USHBP1: variants seen among roughly 807,000 people sequenced by gnomAD.
The protein encoded by USHBP1 is USH1 protein network component harmonin binding protein 1.
A neutral mutation model predicts 76.2 loss-of-function variants in USHBP1; 67 were observed. That is an observed-to-expected ratio of 0.88 (90% CI 0.72 to 1.08). The LOEUF is 1.08. USHBP1 is among the 50% of genes least tolerant of loss of function. The pLI, the probability that USHBP1 is intolerant of heterozygous loss-of-function variation, is 0.00. For synonymous variants in USHBP1, 322 were observed against 362.2 expected, an observed-to-expected ratio of 0.89 and a Z score of 1.26; for missense variants, 931 against 915.0, an observed-to-expected ratio of 1.02 and a Z score of -0.23.
At position 17,254,359 on chromosome 19, in the gene USHBP1, AAAT is replaced by A. The variant is rs368069395; in HGVS notation, c.1692+1023_1692+1025del. 7.7e-4 allele frequency among the ~76,000 whole-genome samples: 116 copies of A among 151,212 alleles called. No homozygotes were observed. In the East Asian group the frequency reaches 0.021, roughly 27 times the overall value. On this transcript the variant is annotated intron_variant, in intron 10 of 12. Coordinates refer to ENST00000252597, the MANE Select transcript of USHBP1 (RefSeq NM_031941.4). ...GACACTCTGCCTCAAAAAAAATAAA[AAAT>A]AATAATAAATAAGCCGGGTGCAGTG...
At chr19:17,261,337 C>CTT (rs34111538) in intron 4 of USHBP1, among the ~76,000 whole-genome samples, 26,501 of 123,666 alleles carry the variant, frequency 0.21, 3,385 homozygotes, top group African/African-American at 0.35. Flanking sequence ...TTCTTTCTTT[C>CTT]TTTTTTTTTT....
Position 17,264,677 on chromosome 19 carries a change from G to A in USHBP1, c.-55C>T, listed in dbSNP as rs2073731542. 3.9e-6 allele frequency: 1 copy of A among 256,348 alleles called. No individual in the cohort carries two copies. The highest frequency in any genetic ancestry group is 5.2e-5 in the South Asian group (1 of 19,238). 15.9% of individuals were successfully genotyped at this position (256,348 alleles called of 1,614,324 possible). On this transcript the variant is annotated 5_prime_UTR_variant, in exon 1 of 13. Coordinates refer to ENST00000252597, the MANE Select transcript of USHBP1 (RefSeq NM_031941.4). The stretch of plus-strand genomic sequence containing the variant: ...GAGGTTCAGCTCTCTCTACCTCTCT[G>A]ATCCTCTGGGGGTAACTTGATCAGA...
chr19:17,255,352 A>C, intron 10 of USHBP1, 33 bp downstream of exon 10: 1 of 1,592,114 alleles, frequency 6.3e-7, no homozygotes, highest in South Asian at 1.1e-5. Flanking sequence ...TTAGTAAGCT[A>C]CTCCCCTACC....
At chr19:17,252,114 C>A in intron 10 of USHBP1, 97 bp from the exon 11 acceptor site, 1 of 1,149,964 alleles carries the variant, frequency 8.7e-7, no homozygotes, top group Non-Finnish European at 1.3e-6. Context: ...GTGGCAGCTG[C>A]TGTGCTCTCA....
In USHBP1 at chr19:17,256,723, A is replaced by G. The variant is rs778658793; in HGVS notation, c.1221-3T>C. Reference sequence around the variant, plus strand: ...TATCCACACTGCTGCCTTCAGGGCTATAGAAAACAGAAAAGGTGCCTATGT... The same window carrying G: ...TATCCACACTGCTGCCTTCAGGGCTGTAGAAAACAGAAAAGGTGCCTATGT... On this transcript the variant is annotated splice_region_variant and splice_polypyrimidine_tract_variant and intron_variant, in intron 8 of 12. Transcript: ENST00000252597. The G allele has an allele frequency of 2.4e-5, 38 of 1,613,982 alleles. No homozygotes were observed. The highest frequency in any genetic ancestry group is 2.8e-5 in the Non-Finnish European group (33 of 1,180,024).
chr19:17,251,564 G>A lies in USHBP1; in HGVS notation c.1922+18C>T. ...GGGATGGTGCCAGGGGGATTGGGGGGATGCAGAACAGTCCTACCTGTGGGC... is the reference window on the plus strand; with the variant it reads ...GGGATGGTGCCAGGGGGATTGGGGGAATGCAGAACAGTCCTACCTGTGGGC... On this transcript the variant is annotated intron_variant, in intron 12 of 12. Transcript: ENST00000252597. The A allele has an allele frequency of 6.2e-7, 1 of 1,613,154 alleles. No individual in the cohort carries two copies. The highest frequency in any genetic ancestry group is 8.5e-7 in the Non-Finnish European group (1 of 1,179,616).
intron 11 of USHBP1, 54 bp downstream of exon 11, chr19:17,251,857 T>G: frequency 1.3e-6 from 2 of 1,515,128 alleles, no homozygotes; most frequent in Non-Finnish European, 1.8e-6. Flanking sequence ...CCCCGGGGGC[T>G]CTCACATAGG....
Position 17,262,786 on chromosome 19 carries a change from C to T in USHBP1, c.408G>A (p.Trp136Ter). ...LSSLEAAAAA[W>*]RHQPPSHSGP... is the part of the protein sequence containing the mutation. ...CAGAATGGCTGGGGGGCTGGTGGCG[C>T]CAGGCTGCAGCCGCTGCCTCCAGGG... Residue 136 changes from tryptophan (W) to a stop codon, truncating the protein, a stop_gained, in exon 4 of 13, where the codon TGG becomes TGA. Coordinates refer to ENST00000252597, the MANE Select transcript of USHBP1 (RefSeq NM_031941.4). LOFTEE classifies it high-confidence loss of function. The T allele has an allele frequency of 6.2e-7, 1 of 1,614,134 alleles. No homozygotes were observed. The highest frequency in any genetic ancestry group is 1.1e-5 in the South Asian group (1 of 91,084).
At chr19:17,259,483 G>A (rs2073661723) in intron 6 of USHBP1, 54 bp from the exon 7 acceptor site, 1 of 1,610,116 alleles carries the variant, frequency 6.2e-7, no homozygotes, top group Non-Finnish European at 8.5e-7. Flanking sequence ...AGGCAGTCAG[G>A]CCTCAATTTC....
rs914684823 is a variant in USHBP1, at chr19:17,258,227, T to G, written c.1205A>C (p.Gln402Pro). ...AGGGGGGTACCTTGGCTGTGGATTC[T>G]GCTGTGCTCCTGCATCCATGGCAGC... ...EEAAMDAGAQ[Q>P]NPQPSPEGSS... is the part of the protein sequence containing the mutation. The change falls in exon 8 of 13, where the codon CAG (glutamine) becomes CCG (proline). Residue 402 changes from glutamine to proline, a missense_variant. Gln to Pro is a moderately conservative substitution (Grantham distance 76). Transcript: ENST00000252597. The G allele has an allele frequency of 1.2e-6, 2 of 1,613,812 alleles. No individual in the cohort carries two copies. Among genetic ancestry groups the G allele is most frequent in the African/African-American group, 2.7e-5 (2 of 74,944 alleles).
chr19:17,257,252 C>T (rs1338510484), intron 8 of USHBP1, among the ~76,000 whole-genome samples: 1 of 146,208 alleles, frequency 6.8e-6, no homozygotes, highest in African/African-American at 2.5e-5. Flanking sequence ...AGGATGGTCT[C>T]GATCTCCTGA....
rs1262650400 is a variant in USHBP1 at position 17,258,270 on chromosome 19, G to A, written c.1162C>T (p.Leu388=). The change falls in exon 8 of 13, where the codon CTG becomes TTG. Residue 388 remains leucine, a synonymous_variant. Transcript: ENST00000252597. ...ATGGCAGCCTCCTCTTGTGCCAGCA[G>A]CCTCCATGCTTCCTTTTCAGCTGCT... is the stretch of plus-strand genomic sequence containing the variant. ...LQAAEKEAWR[L]LAQEEAAMDA... is the part of the protein sequence containing the mutation. 1.2e-6 allele frequency: 2 copies of A among 1,614,016 alleles called. No individual in the cohort carries two copies. Among genetic ancestry groups the A allele is most frequent in the East Asian group, 2.2e-5 (1 of 44,896 alleles).
In USHBP1 at chr19:17,256,652, T is replaced by C. The variant is rs1272945064; in HGVS notation, c.1289A>G (p.Gln430Arg). 3 of 1,614,194 alleles carry C rather than the reference T, an allele frequency of 1.9e-6. No homozygotes were observed. Among genetic ancestry groups the C allele is most frequent in the Non-Finnish European group, 2.5e-6 (3 of 1,180,030 alleles). ...TAGAGAACGGCGCTCCTGGAGACGCTGGACATAGCTTCGGAGCTGGAAAGC... is the reference window on the plus strand; with the variant it reads ...TAGAGAACGGCGCTCCTGGAGACGCCGGACATAGCTTCGGAGCTGGAAAGC... ...EVAFQLRSYV[Q>R]RLQERRSLMK... Residue 430 changes from glutamine (Q) to arginine (R), a missense_variant, in exon 9 of 13, where the codon CAG (glutamine) becomes CGG (arginine). Gln to Arg is a conservative substitution (Grantham distance 43, BLOSUM62 1). Coordinates refer to ENST00000252597, the MANE Select transcript of USHBP1 (RefSeq NM_031941.4).
At chr19:17,264,641 C>A in intron 1 of USHBP1, 30 bp downstream of exon 1, 1 of 351,914 alleles carries the variant, frequency 2.8e-6, no homozygotes, top group Non-Finnish European at 5.2e-6. Flanking sequence ...CTCCCCGGCC[C>A]TCCTAAATGA....
chr19:17,259,909 G>C lies in USHBP1; in HGVS notation c.756C>G (p.Pro252=), dbSNP rs944716155. 6.2e-7 allele frequency: 1 copy of C among 1,613,652 alleles called. No homozygotes were observed. The highest frequency in any genetic ancestry group is 8.5e-7 in the Non-Finnish European group (1 of 1,179,752). ...TTCTCGCACTCACCTGAGTCTCCCA[G>C]GGTTCCCTGTCTGCCTCAGAGCTGC... is the stretch of plus-strand genomic sequence containing the variant. The part of the protein sequence containing the change: ...GSSSSEADRE[P]WETQDSFSLA... Residue 252 remains proline (P), a synonymous_variant, in exon 5 of 13, where the codon CCC becomes CCG. Coordinates refer to ENST00000252597, the MANE Select transcript of USHBP1 (RefSeq NM_031941.4).
intron 11 of USHBP1, 27 bp downstream of exon 11, chr19:17,251,884 C>G (rs369693798): frequency 6.6e-7 from 1 of 1,524,570 alleles, no homozygotes; most frequent in African/African-American, 1.4e-5. Context: ...GCCCACCCCC[C>G]GCACAGCCCA....
chr19:17,250,300 G>C lies in USHBP1; in HGVS notation c.2037C>G (p.Leu679=). The C allele has an allele frequency of 1.9e-6, 3 of 1,613,532 alleles. No homozygotes were observed. The highest frequency in any genetic ancestry group is 1.7e-6 in the Non-Finnish European group (2 of 1,179,948). Residue 679 remains leucine (L), a synonymous_variant, in exon 13 of 13, where the codon CTC becomes CTG. Transcript: ENST00000252597. ...EAQQAEEVAV[L]EATARALGKP... The stretch of plus-strand genomic sequence containing the variant: ...TCCCCAGGGCCCTTGCAGTGGCTTC[G>C]AGCACCGCCACCTCCTCGGCCTGCT...
Position 17,250,280 on chromosome 19 carries a change from A to G in USHBP1, c.2057T>C (p.Leu686Pro), listed in dbSNP as rs537440882. ...CGGGAGGGGAGGCCTGGGCTTCCCC[A>G]GGGCCCTTGCAGTGGCTTCGAGCAC... ...VAVLEATARA[L>P]GKPRPPLPPP... The change falls in exon 13 of 13, where the codon CTG becomes CCG. Residue 686 changes from leucine to proline, a missense_variant. Transcript: ENST00000252597. 14 of 1,613,580 alleles carry G rather than the reference A, an allele frequency of 8.7e-6. No homozygotes were observed. In the East Asian group the frequency reaches 2.5e-4, roughly 28 times the overall value.
rs146079454 is a variant in USHBP1 at position 17,258,297 on chromosome 19, G to T, written c.1135C>A (p.Gln379Lys). The change falls in exon 8 of 13, where the codon CAA (glutamine) becomes AAA (lysine). Residue 379 changes from glutamine (Q) to lysine (K), a missense_variant. By Grantham distance (53) the Gln-to-Lys change is moderately conservative (BLOSUM62 1). Transcript: ENST00000252597. Reference protein sequence around the residue: ...AGDEAPMSDLQAAEKEAWRLL... With the variant: ...AGDEAPMSDLKAAEKEAWRLL... ...CTCCATGCTTCCTTTTCAGCTGCTT[G>T]CAGGTCACTCATGGGGGCTTCGTCT... 8.1e-6 allele frequency: 13 copies of T among 1,613,990 alleles called. No homozygotes were observed. Among genetic ancestry groups the T allele is most frequent in the Middle Eastern group, 3.3e-4 (2 of 6,082 alleles).
Sources: gnomAD v4.1 joint callset for allele counts (sites outside exome capture counted in the v4.1 genomes callset) on GRCh38, gnomAD v4.1.1 for gene constraint, MANE v1.5 for transcripts, NCBI Gene and HGNC (gene_info 2026-07-23, HGNC 2026-07-21) for gene names.